The following SLC75A1 variants were observed in gnomAD, a reference collection of about 807,000 sequenced individuals.
The protein encoded by SLC75A1 is major facilitator superfamily domain containing 10.
chr4:2,931,754 T>C, the SLC75A1 span: 1 of 1,532,440 alleles, frequency 6.5e-7, no homozygotes, highest in Non-Finnish European at 8.9e-7. Flanking sequence ...TTCCTGGGGA[T>C]GGGGGTTGCT....
the SLC75A1 span, chr4:2,933,786 C>G: frequency 1.3e-6 from 2 of 1,592,628 alleles, no homozygotes; most frequent in Non-Finnish European, 1.7e-6. Flanking sequence ...ACAGCCCGGG[C>G]AGCAGGGGCA....
chr4:2,932,683 C>T, the SLC75A1 span: 1 of 1,610,098 alleles, frequency 6.2e-7, no homozygotes, highest in Non-Finnish European at 8.5e-7. Context: ...CTGATGCCCC[C>T]AATCAGCCTG....
chr4:2,932,445 AG>A, the SLC75A1 span: 1 of 1,613,736 alleles, frequency 6.2e-7, no homozygotes, highest in East Asian at 2.2e-5. Context: ...TGCCATTTCC[AG>A]GGGCAGGGAG....
chr4:2,934,075 G>A, the SLC75A1 span: 4 of 804,252 alleles, frequency 5.0e-6, no homozygotes, highest in East Asian at 2.7e-5. Context: ...CGGACGCAGG[G>A]GCCGTTCTGG....
chr4:2,933,844 A>T, the SLC75A1 span: 1 of 1,589,108 alleles, frequency 6.3e-7, no homozygotes, highest in Non-Finnish European at 8.6e-7. Context: ...GAGAAAGACA[A>T]CGGTGACCAC....
At chr4:2,932,856 G>C in the SLC75A1 span, 2 of 1,429,942 alleles carry the variant, frequency 1.4e-6, no homozygotes, top group Non-Finnish European at 1.9e-6. Context: ...CCTCAACCCT[G>C]CCCTATTTCG....
chr4:2,931,887 G>A, the SLC75A1 span: 5 of 1,611,536 alleles, frequency 3.1e-6, no homozygotes, highest in Admixed American at 1.7e-5. Flanking sequence ...CCGAGAACAG[G>A]AAGAGGTAGA....
At chr4:2,933,964 T>C in the SLC75A1 span, 1 of 1,519,728 alleles carries the variant, frequency 6.6e-7, no homozygotes, top group Non-Finnish European at 8.8e-7. Flanking sequence ...GTGCGGCGGG[T>C]CGGGTTAGCG....
At chr4:2,933,061 G>C in the SLC75A1 span, 1 of 1,573,350 alleles carries the variant, frequency 6.4e-7, no homozygotes, top group Non-Finnish European at 8.7e-7. Flanking sequence ...CTACTGGCTG[G>C]GTGGGAGGAG....
the SLC75A1 span, chr4:2,931,369 A>T: frequency 1.9e-6 from 3 of 1,547,804 alleles, no homozygotes; most frequent in Non-Finnish European, 2.6e-6. Context: ...GGGCAGGGCC[A>T]CTCACCAAAG....
At chr4:2,934,720 A>C in the SLC75A1 span, 3 of 39,214 alleles carry the variant, frequency 7.7e-5, no homozygotes, top group Admixed American at 3.1e-4. Flanking sequence ...CCCCAACCCG[A>C]GCGCCCCCTA....
chr4:2,934,076 GC>G, the SLC75A1 span: 1 of 804,820 alleles, frequency 1.2e-6, no homozygotes, highest in Non-Finnish European at 1.9e-6. Flanking sequence ...GGACGCAGGG[GC>G]CGTTCTGGCC....
chr4:2,931,777 G>C, the SLC75A1 span: 1 of 1,544,536 alleles, frequency 6.5e-7, no homozygotes, highest in Non-Finnish European at 8.8e-7. Context: ...CCTGAAGCAG[G>C]GGCGTTATTT....
At chr4:2,932,605 C>A in the SLC75A1 span, 2 of 1,613,082 alleles carry the variant, frequency 1.2e-6, no homozygotes, top group Admixed American at 1.7e-5. Flanking sequence ...CTTACCATGC[C>A]TTGACTGCGG....
the SLC75A1 span, chr4:2,930,683 A>T: frequency 1.4e-6 from 1 of 727,516 alleles, no homozygotes; most frequent in Non-Finnish European, 2.3e-6. Flanking sequence ...GGAGTAAGTA[A>T]GTCTGGAGGA....
At chr4:2,931,958 T>A in the SLC75A1 span, 1 of 1,602,916 alleles carries the variant, frequency 6.2e-7, no homozygotes, top group Non-Finnish European at 8.5e-7. Flanking sequence ...TGGCGCGTGC[T>A]GAGAAGGCGA....
At chr4:2,933,125 G>A in the SLC75A1 span, 49 of 1,613,520 alleles carry the variant, frequency 3.0e-5, no homozygotes, top group South Asian at 8.8e-5. Context: ...CAGCATCACC[G>A]GGCGCCTCCC....
chr4:2,933,929 G>A, the SLC75A1 span: 4 of 1,558,842 alleles, frequency 2.6e-6, no homozygotes, highest in South Asian at 1.2e-5. Flanking sequence ...CCCATGGTGG[G>A]CTGCTCTGAC....
chr4:2,933,726 A>G, the SLC75A1 span: 1 of 1,606,562 alleles, frequency 6.2e-7, no homozygotes, highest in Non-Finnish European at 8.5e-7. Flanking sequence ...GGCAGGGGGC[A>G]CTGTGGGCCG....
Sources: allele counts gnomAD v4.1 joint callset, GRCh38; gene constraint gnomAD v4.1.1; transcripts MANE v1.5; gene names NCBI Gene and HGNC (gene_info 2026-07-23, HGNC 2026-07-21).